The following PCDHGA12 variants were observed in gnomAD, a reference collection of about 807,000 sequenced individuals.
PCDHGA12 encodes the protein protocadherin gamma subfamily A, 12, also known as protocadherin gamma-A12.
A neutral mutation model predicts 61.1 loss-of-function variants in PCDHGA12; 43 were observed. That is an observed-to-expected ratio of 0.70 (90% confidence interval 0.55 to 0.91). The LOEUF (loss-of-function observed/expected upper bound fraction) is 0.91. PCDHGA12 is among the 40% of genes least tolerant of loss of function. The pLI is 0.00. For missense variants in PCDHGA12, 1,236 were observed against 1,227.7 expected, an observed-to-expected ratio of 1.01 and a Z score of -0.10; for synonymous variants, 520 against 542.9, an observed-to-expected ratio of 0.96 and a Z score of 0.59.
In PCDHGA12 at chr5:141,490,363, C is replaced by G; in HGVS notation, c.2425-4444C>G. 3 of 1,614,154 alleles carry G rather than the reference C, an allele frequency of 1.9e-6. No homozygotes were observed. Among genetic ancestry groups the G allele is most frequent in the Non-Finnish European group, 2.5e-6 (3 of 1,180,032 alleles). On this transcript the variant is annotated intron_variant, in intron 1 of 3. Transcript: ENST00000252085. This position sits in a 1 kb window ranked among gnomAD's most constrained non-coding sequence, Gnocchi z 5.4. ...CACAGTAGTGGGGTTGTTTAATGTGCGAGACCGGGACTCAGGTAGAAATGG... is the reference window on the plus strand; with the variant it reads ...CACAGTAGTGGGGTTGTTTAATGTGGGAGACCGGGACTCAGGTAGAAATGG...
intron 1 of PCDHGA12, chr5:141,478,134 C>A (rs2099431418): frequency 6.2e-7 from 1 of 1,614,074 alleles, no homozygotes; most frequent in African/African-American, 1.3e-5. Flanking sequence ...TCTCCTGAAG[C>A]CCGAGCCGAG....
chr5:141,505,287 TG>T, intron 2 of PCDHGA12, 105 bp from the exon 3 acceptor site: 1 of 1,550,864 alleles, frequency 6.4e-7, no homozygotes, highest in Middle Eastern at 2.1e-4. Context: ...GTCTTGGGCA[TG>T]GGGTAGGGTT....
intron 1 of PCDHGA12, chr5:141,441,104 T>C (rs1158565054): frequency 6.6e-6 from 1 of 152,204 alleles, no homozygotes; most frequent in Non-Finnish European, 1.5e-5. Flanking sequence ...GAGGGACTCA[T>C]TGTCCAGTGT....
At chr5:141,436,467 A>G (rs2097825090) in intron 1 of PCDHGA12, among the ~76,000 whole-genome samples, 1 of 152,216 alleles carries the variant, frequency 6.6e-6, no homozygotes, top group South Asian at 2.1e-4. Flanking sequence ...GAATTTTCAG[A>G]TGTATCATAG....
At chr5:141,478,165 C>G (rs780594020) in intron 1 of PCDHGA12, 13 of 1,613,920 alleles carry the variant, frequency 8.1e-6, no homozygotes, top group African/African-American at 1.3e-5. Flanking sequence ...GCTCTGCCCC[C>G]CGGGAGCAGA....
intron 1 of PCDHGA12, among the ~76,000 whole-genome samples, chr5:141,482,981 A>T (rs1377809325): frequency 6.7e-6 from 1 of 150,250 alleles, no homozygotes; most frequent in Admixed American, 6.6e-5. Flanking sequence ...GCTACTTGAG[A>T]GGTCGAGGCA....
Position 141,490,271 on chromosome 5 carries a change from A to G in PCDHGA12, c.2425-4536A>G, listed in dbSNP as rs750463186. 6.8e-6 allele frequency: 11 copies of G among 1,614,246 alleles called. No homozygotes were observed. Among genetic ancestry groups the G allele is most frequent in the Non-Finnish European group, 8.5e-6 (10 of 1,180,054 alleles). On this transcript the variant is annotated intron_variant, in intron 1 of 3. Coordinates refer to ENST00000252085, the MANE Select transcript of PCDHGA12 (RefSeq NM_003735.3). The surrounding 1 kb of genome is among the most constrained non-coding windows in gnomAD (Gnocchi z 5.4). The stretch of plus-strand genomic sequence containing the variant: ...ATTCAAGTGGATGTGGGGGATGTCA[A>G]TGACAATGCCCCAGAGGTGCTATTG...
At chr5:141,508,162 G>A (rs377676571) in intron 3 of PCDHGA12, 4 of 152,502 alleles carry the variant, frequency 2.6e-5, no homozygotes, top group African/African-American at 9.7e-5. Context: ...CCTGAGTAGA[G>A]GCTGGCACAG....
At chr5:141,448,948 A>AAAAC (rs1237948751) in intron 1 of PCDHGA12, among the ~76,000 whole-genome samples, 2 of 152,170 alleles carry the variant, frequency 1.3e-5, no homozygotes, top group African/African-American at 2.4e-5. Flanking sequence ...GCAACTCAAA[A>AAAAC]AAACAAACAA....
In PCDHGA12 at chr5:141,432,596, G is replaced by T; in HGVS notation, c.1837G>T (p.Glu613Ter). Residue 613 changes from glutamate to a stop codon, truncating the protein, a stop_gained, in exon 1 of 4, where the codon GAG becomes TAG. Transcript: ENST00000252085. LOFTEE classifies it high-confidence loss of function. This position sits in a 1 kb window ranked among gnomAD's most constrained non-coding sequence, Gnocchi z 6.0. The stretch of plus-strand genomic sequence containing the variant: ...GTCCTACCGTCTGCTCAAGGCCAGC[G>T]AGCCGGGACTCTTCTCGGTGGGTCT... Reference protein sequence around the residue: ...WLSYRLLKASEPGLFSVGLHT... With the variant: ...WLSYRLLKAS 6.8e-6 allele frequency: 11 copies of T among 1,613,926 alleles called. No individual in the cohort carries two copies. The highest frequency in any genetic ancestry group is 9.3e-6 in the Non-Finnish European group (11 of 1,179,972).
rs1207371456 is a variant in PCDHGA12 at position 141,487,371 on chromosome 5, G to A, written c.2425-7436G>A. On this transcript the variant is annotated intron_variant, in intron 1 of 3. Transcript: ENST00000252085. The surrounding 1 kb of genome is among the most constrained non-coding windows in gnomAD (Gnocchi z 5.0). ...TGCTTTCCTGCTGGCACCTGTGCCT[G>A]TCTCACCAGATCTCGAAGGAGGGAG... The A allele has an allele frequency of 4.3e-6, 7 of 1,614,076 alleles. No individual in the cohort carries two copies. In the Admixed American group the frequency reaches 5.0e-5, roughly 12 times the overall value.
chr5:141,435,745 A>T (rs2097777848), intron 1 of PCDHGA12, among the ~76,000 whole-genome samples: 1 of 152,184 alleles, frequency 6.6e-6, no homozygotes, highest in African/African-American at 2.4e-5. Context: ...TTTGAAAAGC[A>T]TTGCTTGATT....
At chr5:141,479,206 T>C (rs987807222) in intron 1 of PCDHGA12, 3 of 152,400 alleles carry the variant, frequency 2.0e-5, no homozygotes, top group African/African-American at 7.2e-5. Context: ...CAGAAAAGTA[T>C]TTAAAAAATT....
chr5:141,510,426 T>C (rs983368750), intron 3 of PCDHGA12, among the ~76,000 whole-genome samples: 1 of 152,084 alleles, frequency 6.6e-6, no homozygotes, highest in African/African-American at 2.4e-5. Flanking sequence ...CATGGTTTCA[T>C]GGCTGCTGCC....
chr5:141,474,405 G>C (rs2099348833), intron 1 of PCDHGA12, among the ~76,000 whole-genome samples: 1 of 152,196 alleles, frequency 6.6e-6, no homozygotes, highest in Admixed American at 6.5e-5. Context: ...AAGCTCCCCG[G>C]TGATGCCTAG....
chr5:141,501,164 G>C (rs991995325), intron 2 of PCDHGA12, among the ~76,000 whole-genome samples: 32 of 152,144 alleles, frequency 2.1e-4, no homozygotes, highest in African/African-American at 7.7e-4. Context: ...ACCATCCCCA[G>C]CCTCATTTAC....
chr5:141,458,918 A>C (rs1173274380), intron 1 of PCDHGA12, among the ~76,000 whole-genome samples: 1 of 152,022 alleles, frequency 6.6e-6, no homozygotes, highest in Non-Finnish European at 1.5e-5. Context: ...TTTTTTGTGG[A>C]GACGGGGTCT....
Position 141,500,251 on chromosome 5 carries a change from C to T in PCDHGA12, c.2484-5142C>T, listed in dbSNP as rs187199142. Among the ~76,000 whole-genome samples, 1,493 of 151,438 alleles carry T rather than the reference C, an allele frequency of 9.9e-3. 32 individuals are homozygous for T. Among genetic ancestry groups the T allele is most frequent in the African/African-American group, 0.035 (1,426 of 41,214 alleles). Reference sequence around the variant, plus strand: ...TGATACGTAGCCTTGCTCTGTCACCCAGGCTGGACTGCAGTGGCGCAATCT... The same window carrying T: ...TGATACGTAGCCTTGCTCTGTCACCTAGGCTGGACTGCAGTGGCGCAATCT... On this transcript the variant is annotated intron_variant, in intron 2 of 3. Coordinates refer to ENST00000252085, the MANE Select transcript of PCDHGA12 (RefSeq NM_003735.3).
chr5:141,479,020 T>C (rs961123768), intron 1 of PCDHGA12, among the ~76,000 whole-genome samples: 1 of 152,236 alleles, frequency 6.6e-6, no homozygotes, highest in African/African-American at 2.4e-5. Flanking sequence ...ATAATTTTCC[T>C]TTGTTTATAC....
Sources: gnomAD v4.1 joint callset for allele counts (sites outside exome capture counted in the v4.1 genomes callset) on GRCh38, gnomAD v4.1.1 for gene constraint, Gnocchi (gnomAD v3.1) non-coding constraint, MANE v1.5 for transcripts, NCBI Gene and HGNC (gene_info 2026-07-23, HGNC 2026-07-21) for gene names.